PCDHA1: variants seen among roughly 807,000 people sequenced by gnomAD.
PCDHA1 encodes protocadherin alpha 1.
In PCDHA1, 42 loss-of-function variants were observed where a neutral mutation model predicts 61.3. The ratio of observed to expected loss-of-function variants is 0.69; its 90% CI spans 0.54 to 0.89. The LOEUF (loss-of-function observed/expected upper bound fraction) is 0.89. Among genes scored for constraint, PCDHA1 ranks in the 40% least tolerant of loss-of-function variants. PCDHA1 has a pLI of 0.00. For missense variants in PCDHA1, 1,256 were observed against 1,235.3 expected (o/e 1.02, Z -0.25); for synonymous variants, 610 against 553.8 (o/e 1.10, Z -1.43).
rs1333608076 is a variant in PCDHA1, at chr5:140,848,470, A to C, written c.2394+59786A>C. Reference sequence around the variant, plus strand: ...TTCTAATTTGGAGGCAATTTTCACTAATTAGAAGAAGACTGAGTATTTGAA... The same window carrying C: ...TTCTAATTTGGAGGCAATTTTCACTCATTAGAAGAAGACTGAGTATTTGAA... On this transcript the variant is annotated intron_variant, in intron 1 of 3. Coordinates refer to ENST00000504120, the MANE Select transcript of PCDHA1 (RefSeq NM_018900.4). 3 of 1,552,738 alleles carry C rather than the reference A, an allele frequency of 1.9e-6. No individual in the cohort carries two copies. In the East Asian group the frequency reaches 6.7e-5, roughly 35 times the overall value.
chr5:140,837,274 A>G (rs1774994137), intron 1 of PCDHA1: 1 of 152,032 alleles, frequency 6.6e-6, no homozygotes, highest in South Asian at 2.1e-4. Context: ...TGTAGCACTG[A>G]CTTCTTTTTA....
intron 1 of PCDHA1, among the ~76,000 whole-genome samples, chr5:140,898,608 T>G (rs1208473607): frequency 7.2e-5 from 11 of 152,362 alleles, no homozygotes; most frequent in African/African-American, 2.6e-4. Flanking sequence ...TAGTATAGTT[T>G]GAAGTCAGGT....
At chr5:140,871,057 G>A (rs1554165044) in intron 1 of PCDHA1, 7 of 1,613,300 alleles carry the variant, frequency 4.3e-6, no homozygotes, top group Non-Finnish European at 5.9e-6. Flanking sequence ...ACTGGTGAAG[G>A]ATCACGGTGA....
Position 140,823,178 on chromosome 5 carries a change from C to T in PCDHA1, c.2394+34494C>T, listed in dbSNP as rs2150123188. On this transcript the variant is annotated intron_variant, in intron 1 of 3. Transcript: ENST00000504120. ...ACCGTGTTCGTGAAGGAGAACAACC[C>T]GCCAGGCTGCCACATCTTCACGGTG... 4.3e-6 allele frequency: 7 copies of T among 1,613,746 alleles called. No homozygotes were observed. The East Asian group carries it at 8.9e-5, about 21-fold the overall frequency.
intron 1 of PCDHA1, chr5:140,869,668 A>G (rs540975019): frequency 1.2e-6 from 2 of 1,613,544 alleles, no homozygotes; most frequent in African/African-American, 1.3e-5. Context: ...TGGTAAGCAG[A>G]TTAAAAGACT....
At chr5:140,877,317 G>A (rs535177109) in intron 1 of PCDHA1, 1 of 1,613,886 alleles carries the variant, frequency 6.2e-7, no homozygotes. Context: ...AACCGGCGGC[G>A]GTCGGCGCGC....
intron 1 of PCDHA1, chr5:140,797,202 G>T (rs1554120338): frequency 1.2e-6 from 2 of 1,614,072 alleles, no homozygotes; most frequent in Non-Finnish European, 1.7e-6. Flanking sequence ...GCGCCGTGGG[G>T]AGCTGGTCTT....
At chr5:140,895,590 T>C (rs1554186569) in intron 1 of PCDHA1, among the ~76,000 whole-genome samples, 2 of 152,208 alleles carry the variant, frequency 1.3e-5, no homozygotes, top group Non-Finnish European at 2.9e-5. Context: ...ATTAGATATA[T>C]AATTTGCAAA....
Position 140,796,453 on chromosome 5 carries a change from C to A in PCDHA1, c.2394+7769C>A, listed in dbSNP as rs994374516. On this transcript the variant is annotated intron_variant, in intron 1 of 3. Coordinates refer to ENST00000504120, the MANE Select transcript of PCDHA1 (RefSeq NM_018900.4). Reference sequence around the variant, plus strand: ...GCTGGTGTCCTACTCGCTGGTGGAGCGGCGGGTGGGCGAGCGCGCGTTGTC... The same window carrying A: ...GCTGGTGTCCTACTCGCTGGTGGAGAGGCGGGTGGGCGAGCGCGCGTTGTC... The A allele has an allele frequency of 1.9e-6, 3 of 1,612,940 alleles. No homozygotes were observed. The African/African-American group carries it at 4.0e-5, about 21-fold the overall frequency.
chr5:140,948,312 G>A (rs2094238308), intron 1 of PCDHA1, among the ~76,000 whole-genome samples: 1 of 151,400 alleles, frequency 6.6e-6, no homozygotes, highest in African/African-American at 2.4e-5. Context: ...TTCTTCTTGA[G>A]GGGTAATGTT....
At chr5:140,794,927 A>G (rs1440894881) in intron 1 of PCDHA1, 1 of 1,559,156 alleles carries the variant, frequency 6.4e-7, no homozygotes, top group Non-Finnish European at 8.7e-7. Context: ...TTTGCAAAAC[A>G]TGCTCTTCTA....
intron 1 of PCDHA1, chr5:140,795,316 C>T: frequency 6.2e-7 from 1 of 1,614,190 alleles, no homozygotes; most frequent in Non-Finnish European, 8.5e-7. Context: ...GCAGGTTTTC[C>T]ATGTGGAAGT....
chr5:140,850,357 C>G (rs146638035), intron 1 of PCDHA1: 1 of 1,597,856 alleles, frequency 6.3e-7, no homozygotes, highest in African/African-American at 1.3e-5. Flanking sequence ...GCGAGCATCC[C>G]GTTCCGCGTG....
intron 1 of PCDHA1, chr5:140,875,761 G>T (rs373515339): frequency 8.7e-6 from 14 of 1,614,236 alleles, no homozygotes; most frequent in Non-Finnish European, 1.1e-5. Context: ...GAAGCTGTGC[G>T]GGCGGAGCGC....
chr5:140,837,516 C>CA (rs149634951), intron 1 of PCDHA1, among the ~76,000 whole-genome samples: 2,511 of 151,672 alleles, frequency 0.017, 104 homozygotes, highest in African/African-American at 0.056. Flanking sequence ...AAGCAGTTTA[C>CA]TTTTTTTGTA....
chr5:140,851,380 C>G, intron 1 of PCDHA1: 1 of 976,622 alleles, frequency 1.0e-6, no homozygotes, highest in Non-Finnish European at 1.2e-6. Context: ...TGTTCAGCAA[C>G]CTTCAGTATC....
At chr5:140,855,357 A>C (rs2043441484) in intron 1 of PCDHA1, among the ~76,000 whole-genome samples, 1 of 150,032 alleles carries the variant, frequency 6.7e-6, no homozygotes, top group South Asian at 2.1e-4. Context: ...TCATGTGGCT[A>C]GTGAGTAGGA....
At chr5:140,902,066 T>C (rs2069077660) in intron 1 of PCDHA1, among the ~76,000 whole-genome samples, 1 of 152,202 alleles carries the variant, frequency 6.6e-6, no homozygotes, top group Admixed American at 6.5e-5. Flanking sequence ...GCAACTTTAC[T>C]GAATTTATTG....
chr5:140,993,934 C>T (rs936977793), intron 3 of PCDHA1, among the ~76,000 whole-genome samples: 5 of 152,044 alleles, frequency 3.3e-5, no homozygotes, highest in African/African-American at 1.2e-4. Context: ...AGAACATATC[C>T]CCATTGTTAA....
Sources: allele counts gnomAD v4.1 joint callset (sites outside exome capture counted in the v4.1 genomes callset), GRCh38; gene constraint gnomAD v4.1.1; transcripts MANE v1.5; gene names NCBI Gene and HGNC (gene_info 2026-07-23, HGNC 2026-07-21).